Variants in PIK3CD observed in about 807,000 individuals in gnomAD.
PIK3CD encodes the protein phosphatidylinositol 4,5-bisphosphate 3-kinase catalytic subunit delta isoform.
Under a neutral mutation model 122.9 loss-of-function variants are expected in PIK3CD, and 20 were observed. The ratio of observed to expected loss-of-function variants is 0.16; its 90% confidence interval spans 0.11 to 0.24. The LOEUF is 0.24. Ranked by LOEUF, PIK3CD falls within the 10% of genes least tolerant of loss-of-function variation. The probability of loss-of-function intolerance (pLI) is 1.00; values close to 1 mark genes in which losing one functional copy is unlikely to be tolerated. For missense variants in PIK3CD, 787 were observed against 1,406.3 expected, an observed-to-expected ratio of 0.56 and a Z score of 7.04; for synonymous variants, 596 against 593.4, an observed-to-expected ratio of 1.00 and a Z score of -0.06.
chr1:9,715,468 C>G lies in PIK3CD; in HGVS notation c.142-73C>G. 2.2e-6 allele frequency: 3 copies of G among 1,384,228 alleles called. No individual in the cohort carries two copies. Among genetic ancestry groups the G allele is most frequent in the South Asian group, 1.2e-5 (1 of 83,680 alleles). The allele number at this position is 1,384,228 out of a possible 1,614,324, so 85.7% of individuals were successfully genotyped here. On this transcript the variant is annotated intron_variant, in intron 3 of 23. Coordinates refer to ENST00000377346, the MANE Select transcript of PIK3CD (RefSeq NM_005026.5). This position sits in a 1 kb window ranked among gnomAD's most constrained non-coding sequence, Gnocchi z 4.1. ...GACCCCCAGGCTGGAGGCCAGCTCT[C>G]CACCCTCCCTCAGCCTCCCACCTCC...
intron 23 of PIK3CD, among the ~76,000 whole-genome samples, chr1:9,725,551 G>A (rs1208244762): frequency 1.3e-5 from 2 of 150,316 alleles, no homozygotes; most frequent in Non-Finnish European, 3.0e-5. Flanking sequence ...GCAAAACTCG[G>A]TCTCAAAAAA....
At position 9,716,347 on chromosome 1, in the gene PIK3CD, C is replaced by G; in HGVS notation, c.601-93C>G. On this transcript the variant is annotated intron_variant, in intron 5 of 23. Transcript: ENST00000377346. ...AGTGTCATTTGTGAACTCCCCAGAC[C>G]CTACCCTTGGGGGCAAATAGGCAAC... 3 of 1,248,068 alleles carry G rather than the reference C, an allele frequency of 2.4e-6. No individual in the cohort carries two copies. The South Asian group carries it at 3.6e-5, about 15-fold the overall frequency. The allele number at this position is 1,248,068 out of a possible 1,614,324, so 77.3% of individuals were successfully genotyped here.
At position 9,723,368 on chromosome 1, in the gene PIK3CD, C is replaced by T. The variant is rs1192507373; in HGVS notation, c.2594+76C>T. On this transcript the variant is annotated intron_variant, in intron 20 of 23. Coordinates refer to ENST00000377346, the MANE Select transcript of PIK3CD (RefSeq NM_005026.5). The surrounding 1 kb of genome is among the most constrained non-coding windows in gnomAD (Gnocchi z 4.9). ...AGTGGGAGGGCCTCGCCTGTCAGAA[C>T]AAAGGAGCGGGGAGGGGCCTCAGAC... 7 of 1,485,796 alleles carry T rather than the reference C, an allele frequency of 4.7e-6. No homozygotes were observed. Among genetic ancestry groups the T allele is most frequent in the Non-Finnish European group, 6.6e-6 (7 of 1,064,442 alleles). 92.0% of individuals were successfully genotyped at this position (1,485,796 alleles called of 1,614,324 possible).
At chr1:9,650,448 C>CA (rs1041643946), upstream of PIK3CD, among the ~76,000 whole-genome samples, 2 of 151,160 alleles carry the variant, frequency 1.3e-5, no homozygotes, top group Admixed American at 6.6e-5. Context: ...AACAAAACAA[C>CA]AAAAAACAAA....
the PIK3CD span, among the ~76,000 whole-genome samples, chr1:9,627,375 C>T: frequency 6.6e-6 from 1 of 152,262 alleles, no homozygotes; most frequent in South Asian, 2.1e-4. Context: ...TGGCTTCACA[C>T]CCGCGGAGAT....
At position 9,671,122 on chromosome 1, in the gene PIK3CD, T is replaced by G. The variant is rs193104252; in HGVS notation, c.-138+19320T>G. Among the ~76,000 whole-genome samples the G allele has an allele frequency of 4.6e-3, 703 of 151,888 alleles. 3 individuals are homozygous for G. Among genetic ancestry groups the G allele is most frequent in the Non-Finnish European group, 6.0e-3 (408 of 67,952 alleles). On this transcript the variant is annotated intron_variant, in intron 1 of 23. Transcript: ENST00000377346. The stretch of plus-strand genomic sequence containing the variant: ...TCCAGGGGCTGGTCTTTTTTTGAGA[T>G]AAAGTCTCACTCCGTCGCCCAGGCT...
chr1:9,683,374 C>G (rs1570204675), intron 1 of PIK3CD, among the ~76,000 whole-genome samples: 1 of 149,990 alleles, frequency 6.7e-6, no homozygotes, highest in Admixed American at 6.7e-5. Flanking sequence ...GGAGGCAGAG[C>G]TTGGAGTGAG....
chr1:9,671,470 TG>T lies in PIK3CD; in HGVS notation c.-138+19671del, dbSNP rs1425067514. Among the ~76,000 whole-genome samples the T allele has an allele frequency of 2.0e-5, 3 of 152,300 alleles. No individual in the cohort carries two copies. The East Asian group carries it at 5.8e-4, about 29-fold the overall frequency. On this transcript the variant is annotated intron_variant, in intron 1 of 23. Coordinates refer to ENST00000377346, the MANE Select transcript of PIK3CD (RefSeq NM_005026.5). The stretch of plus-strand genomic sequence containing the variant: ...TCAGCCTCTCAAGTAGCTGGGACTA[TG>T]GGTGAGCCCTGCTCAGCCTAGCTGA...
At position 9,710,632 on chromosome 1, in the gene PIK3CD, CAGAGAGAG is replaced by C. The variant is rs34885574; in HGVS notation, c.141+52_141+59del. 26 of 1,528,038 alleles carry C rather than the reference CAGAGAGAG, an allele frequency of 1.7e-5. No individual in the cohort carries two copies. The highest frequency in any genetic ancestry group is 8.4e-5 in the Admixed American group (5 of 59,266). The allele number at this position is 1,528,038 out of a possible 1,614,324, so 94.7% of individuals were successfully genotyped here. A position where few individuals can be genotyped will look rare whatever the true frequency, so the allele number is the denominator to read the frequency against. ...CATCCGGTCCTCAGACCTTGGTGCT[CAGAGAGAG>C]AGAGAGAGAGAGAGACACAGATAGA... On this transcript the variant is annotated intron_variant, in intron 3 of 23. Coordinates refer to ENST00000377346, the MANE Select transcript of PIK3CD (RefSeq NM_005026.5). This position sits in a 1 kb window ranked among gnomAD's most constrained non-coding sequence, Gnocchi z 4.7.
chr1:9,671,771 G>A (rs1399670054), intron 1 of PIK3CD, among the ~76,000 whole-genome samples: 1 of 152,188 alleles, frequency 6.6e-6, no homozygotes, highest in African/African-American at 2.4e-5. Flanking sequence ...AGCCTTTCAA[G>A]GTAGGAAGGA....
the PIK3CD span, among the ~76,000 whole-genome samples, chr1:9,641,055 C>G: frequency 6.6e-6 from 1 of 152,176 alleles, no homozygotes; most frequent in Non-Finnish European, 1.5e-5. Context: ...CCCCTCCTAT[C>G]TTACATTTTT....
At position 9,717,069 on chromosome 1, in the gene PIK3CD, G is replaced by A; in HGVS notation, c.891G>A (p.Gln297=). The change falls in exon 7 of 24, where the codon CAG becomes CAA. Residue 297 remains glutamine, a synonymous_variant. Transcript: ENST00000377346. The surrounding 1 kb of genome is among the most constrained non-coding windows in gnomAD (Gnocchi z 5.4). ...AGAGCAACCCTGCCCCCCAGGTCCA[G>A]AAACCGCGTGCCAAACCACCTCCCA... ...DEQSNPAPQV[Q]KPRAKPPPIP... is the part of the protein sequence containing the mutation. 2 of 1,614,002 alleles carry A rather than the reference G, an allele frequency of 1.2e-6. No individual in the cohort carries two copies. The highest frequency in any genetic ancestry group is 1.7e-6 in the Non-Finnish European group (2 of 1,180,026).
upstream of PIK3CD, among the ~76,000 whole-genome samples, chr1:9,649,460 T>A (rs1389355993): frequency 6.6e-6 from 1 of 152,174 alleles, no homozygotes; most frequent in Non-Finnish European, 1.5e-5. Flanking sequence ...CTCAAACTCC[T>A]GGCCTCAAGG....
chr1:9,673,099 CTT>C (rs541906039), intron 1 of PIK3CD, among the ~76,000 whole-genome samples: 1,879 of 136,354 alleles, frequency 0.014, 34 homozygotes, highest in African/African-American at 0.044. Flanking sequence ...TTTAATCCTA[CTT>C]TTTTTTTTTT....
At position 9,674,692 on chromosome 1, in the gene PIK3CD, C is replaced by CAAAAAAA. The variant is rs35463378; in HGVS notation, c.-137-16763_-137-16757dup. ...TGGGCGACAGAGCGAGACTCCGTCT[C>CAAAAAAA]AAAAAAAAAAAAAAAAAAGAAACAA... On this transcript the variant is annotated intron_variant, in intron 1 of 23. Transcript: ENST00000377346. Among the ~76,000 whole-genome samples, 468 of 58,194 alleles carry CAAAAAAA rather than the reference C, an allele frequency of 8.0e-3. 6 individuals are homozygous for CAAAAAAA. The highest frequency in any genetic ancestry group is 0.025 in the African/African-American group (437 of 17,262). 38.2% of individuals were successfully genotyped at this position (58,194 alleles called of 152,430 possible).
At chr1:9,685,950 C>A (rs1422971372) in intron 1 of PIK3CD, among the ~76,000 whole-genome samples, 1 of 152,100 alleles carries the variant, frequency 6.6e-6, no homozygotes, top group Non-Finnish European at 1.5e-5. Context: ...TGCTGAATGC[C>A]AATTTGAGTT....
intron 3 of PIK3CD, among the ~76,000 whole-genome samples, chr1:9,712,072 A>G (rs1216086431): frequency 6.7e-6 from 1 of 148,356 alleles, no homozygotes; most frequent in Admixed American, 6.8e-5. Context: ...AATTTTTTGT[A>G]AACAGCATCT....
chr1:9,727,279 T>A lies in PIK3CD; in HGVS notation c.*233T>A. ...GCGGCGGTGCTGGGCCCCCCGAGGC[T>A]GCACCTGGCTCTCGGCTGAGGATTG... On this transcript the variant is annotated 3_prime_UTR_variant, in exon 24 of 24. Transcript: ENST00000377346. The A allele has an allele frequency of 1.8e-6, 1 of 570,684 alleles. No individual in the cohort carries two copies. Among genetic ancestry groups the A allele is most frequent in the Non-Finnish European group, 3.1e-6 (1 of 319,200 alleles). The allele number at this position is 570,684 out of a possible 1,614,324, so 35.4% of individuals were successfully genotyped here.
At chr1:9,687,845 A>T (rs1261936482) in intron 1 of PIK3CD, among the ~76,000 whole-genome samples, 4 of 152,026 alleles carry the variant, frequency 2.6e-5, no homozygotes, top group African/African-American at 7.2e-5. Flanking sequence ...ACGGCCAGGG[A>T]AGAGGAGTGT....
Sources: allele counts gnomAD v4.1 joint callset (sites outside exome capture counted in the v4.1 genomes callset), GRCh38; gene constraint gnomAD v4.1.1; non-coding constraint Gnocchi (gnomAD v3.1); transcripts MANE v1.5; gene names NCBI Gene and HGNC (gene_info 2026-07-23, HGNC 2026-07-21).